NPAS3: variants seen among roughly 807,000 people sequenced by gnomAD.
NPAS3 encodes the protein neuronal PAS domain protein 3.
Under a neutral mutation model 73.1 loss-of-function variants are expected in NPAS3, and 14 were observed. The observed-to-expected ratio is 0.19, with a 90% CI of 0.13 to 0.30. The LOEUF is 0.30. Ranked by LOEUF, NPAS3 falls within the 10% of genes least tolerant of loss-of-function variation. NPAS3 has a pLI of 1.00. For synonymous variants in NPAS3, 620 were observed against 541.5 expected, an observed-to-expected ratio of 1.14 and a Z score of -2.01; for missense variants, 1,096 against 1,250.0, an observed-to-expected ratio of 0.88 and a Z score of 1.86.
intron 1 of NPAS3, among the ~76,000 whole-genome samples, chr14:33,037,731 A>T (rs969421244): frequency 6.6e-6 from 1 of 152,222 alleles, no homozygotes; most frequent in African/African-American, 2.4e-5. Flanking sequence ...ATGAAAAGCC[A>T]AGGGAAATTG....
chr14:32,993,416 G>C (rs957340013), intron 1 of NPAS3, among the ~76,000 whole-genome samples: 1 of 152,150 alleles, frequency 6.6e-6, no homozygotes, highest in Non-Finnish European at 1.5e-5. Context: ...TGAGACATTC[G>C]AGAGGGAAAT....
chr14:33,006,154 C>T (rs1424899094), intron 1 of NPAS3, among the ~76,000 whole-genome samples: 1 of 152,164 alleles, frequency 6.6e-6, no homozygotes, highest in Non-Finnish European at 1.5e-5. Flanking sequence ...CCCTGCTTCT[C>T]CCTTCAGAAC....
chr14:33,171,591 G>C (rs1042301639), intron 2 of NPAS3, among the ~76,000 whole-genome samples: 1 of 152,170 alleles, frequency 6.6e-6, no homozygotes, highest in Admixed American at 6.5e-5. Context: ...TTAGGGCCTT[G>C]CTCTGGATTA....
At chr14:33,583,518 A>G (rs1266242382) in intron 5 of NPAS3, 1 of 152,190 alleles carries the variant, frequency 6.6e-6, no homozygotes, top group African/African-American at 2.4e-5. Context: ...GAATTGATCT[A>G]TGAAGGAAAA....
chr14:33,275,733 G>A (rs149951998), intron 3 of NPAS3, among the ~76,000 whole-genome samples: 1 of 152,070 alleles, frequency 6.6e-6, no homozygotes, highest in African/African-American at 2.4e-5. Flanking sequence ...TGCTTTTTCA[G>A]TTTGGCTTTG....
chr14:33,538,177 C>T (rs1262499820), intron 4 of NPAS3, among the ~76,000 whole-genome samples: 2 of 152,134 alleles, frequency 1.3e-5, no homozygotes, highest in Non-Finnish European at 2.9e-5. Flanking sequence ...TGTCCTTATC[C>T]CATTCAGCCC....
intron 6 of NPAS3, among the ~76,000 whole-genome samples, chr14:33,704,271 T>C (rs2060600362): frequency 6.6e-6 from 1 of 152,224 alleles, no homozygotes; most frequent in Admixed American, 6.5e-5. Flanking sequence ...TGTGTGTACA[T>C]ATAATTTTTA....
At chr14:33,394,441 A>C (rs2138653006) in intron 4 of NPAS3, among the ~76,000 whole-genome samples, 1 of 152,322 alleles carries the variant, frequency 6.6e-6, no homozygotes. Context: ...GTGCTTAGCA[A>C]AGCTTAACGT....
intron 10 of NPAS3, among the ~76,000 whole-genome samples, chr14:33,797,133 ACTT>A (rs2138659698): frequency 6.6e-6 from 1 of 152,304 alleles, no homozygotes; most frequent in African/African-American, 2.4e-5. Flanking sequence ...TGTTGAGAGT[ACTT>A]CTCATCCTCC....
chr14:33,596,449 A>T (rs1421515260), intron 5 of NPAS3, among the ~76,000 whole-genome samples: 1 of 152,206 alleles, frequency 6.6e-6, no homozygotes, highest in Non-Finnish European at 1.5e-5. Flanking sequence ...ATAAATTGAG[A>T]AATAGTGGGG....
chr14:33,216,466 A>G (rs1417456892), intron 3 of NPAS3, among the ~76,000 whole-genome samples: 1 of 152,202 alleles, frequency 6.6e-6, no homozygotes, highest in Non-Finnish European at 1.5e-5. Flanking sequence ...CTGTGATCAT[A>G]TATGTGTCCG....
intron 3 of NPAS3, among the ~76,000 whole-genome samples, chr14:33,365,510 CTGTTT>C (rs1457935251): frequency 2.0e-5 from 3 of 151,992 alleles, no homozygotes; most frequent in African/African-American, 7.2e-5. Flanking sequence ...ACTGATTTTT[CTGTTT>C]TAAGATTTTT....
At chr14:33,449,550 C>A (rs2049689739) in intron 4 of NPAS3, among the ~76,000 whole-genome samples, 1 of 151,874 alleles carries the variant, frequency 6.6e-6, no homozygotes, top group Non-Finnish European at 1.5e-5. Flanking sequence ...AACAGCTGTG[C>A]CTAAATTCAT....
chr14:33,162,586 T>A (rs566087293), intron 2 of NPAS3, among the ~76,000 whole-genome samples: 1 of 152,216 alleles, frequency 6.6e-6, no homozygotes, highest in Non-Finnish European at 1.5e-5. Flanking sequence ...TCTTCTCATG[T>A]TTGTGACTTG....
chr14:33,132,723 A>G (rs1474877092), intron 2 of NPAS3, among the ~76,000 whole-genome samples: 2 of 152,312 alleles, frequency 1.3e-5, no homozygotes, highest in East Asian at 3.9e-4. Flanking sequence ...GAAAATTGAC[A>G]AGATGATTGG....
intron 3 of NPAS3, among the ~76,000 whole-genome samples, chr14:33,286,204 C>T (rs549074087): frequency 6.6e-6 from 1 of 152,288 alleles, no homozygotes; most frequent in South Asian, 2.1e-4. Flanking sequence ...GTCCAGGGCT[C>T]TTTCTACTTC....
upstream of NPAS3, among the ~76,000 whole-genome samples, chr14:32,938,478 AGAGAAATT>A (rs2035780956): frequency 1.4e-4 from 15 of 106,606 alleles, no homozygotes; most frequent in East Asian, 5.6e-4. Context: ...AGAGAGAGAG[AGAGAAATT>A]GAGAGAGAGA....
At chr14:33,524,160 C>A (rs2053685874) in intron 4 of NPAS3, among the ~76,000 whole-genome samples, 1 of 152,182 alleles carries the variant, frequency 6.6e-6, no homozygotes, top group Non-Finnish European at 1.5e-5. Flanking sequence ...GTCTTGACAA[C>A]ACTGCTGAAA....
At chr14:33,100,201 T>C (rs568155480) in intron 2 of NPAS3, among the ~76,000 whole-genome samples, 1 of 152,278 alleles carries the variant, frequency 6.6e-6, no homozygotes, top group South Asian at 2.1e-4. Flanking sequence ...TCACTTCTGA[T>C]TGGGCAATTT....
Sources: gnomAD v4.1 joint callset for allele counts (sites outside exome capture counted in the v4.1 genomes callset) on GRCh38, gnomAD v4.1.1 for gene constraint, MANE v1.5 for transcripts, NCBI Gene and HGNC (gene_info 2026-07-23, HGNC 2026-07-21) for gene names.